Variants in PLEKHA5 observed in about 807,000 individuals in gnomAD.
PLEKHA5 encodes pleckstrin homology domain-containing family A member 5.
PLEKHA5 carries 55 observed loss-of-function variants against 181.9 expected under a neutral mutation model. The ratio of observed to expected loss-of-function variants is 0.30; its 90% CI spans 0.24 to 0.38. The LOEUF (loss-of-function observed/expected upper bound fraction) is 0.38. Among genes scored for constraint, PLEKHA5 ranks in the 10% least tolerant of loss-of-function variants. The pLI is 1.00. For missense variants in PLEKHA5, 1,432 were observed against 1,549.5 expected (o/e 0.92, Z 1.27); for synonymous variants, 535 against 529.4 (o/e 1.01, Z -0.15).
chr12:19,137,294 C>A (rs2035945183), intron 3 of PLEKHA5, among the ~76,000 whole-genome samples: 1 of 152,120 alleles, frequency 6.6e-6, no homozygotes, highest in Admixed American at 6.5e-5. Context: ...ACCTCGGCGT[C>A]CCAAAGTGCT....
At chr12:19,188,746 A>G (rs1362985745) in intron 3 of PLEKHA5, among the ~76,000 whole-genome samples, 1 of 152,220 alleles carries the variant, frequency 6.6e-6, no homozygotes, top group Non-Finnish European at 1.5e-5. Context: ...TATTATGTTG[A>G]TTTAGATTCT....
At chr12:19,314,743 C>T (rs913794557) in intron 15 of PLEKHA5, 71 bp from the exon 16 acceptor site, 2 of 786,498 alleles carry the variant, frequency 2.5e-6, no homozygotes, top group Non-Finnish European at 2.2e-6. Flanking sequence ...GCTATATTTA[C>T]AGTGTCGTCT....
chr12:19,177,155 C>A (rs2047497343), intron 3 of PLEKHA5, among the ~76,000 whole-genome samples: 2 of 152,144 alleles, frequency 1.3e-5, no homozygotes, highest in Non-Finnish European at 2.9e-5. Flanking sequence ...TGTGAGCCAC[C>A]ACGCAGGGCC....
chr12:19,331,202 G>A (rs961650277), intron 20 of PLEKHA5, among the ~76,000 whole-genome samples: 1 of 152,154 alleles, frequency 6.6e-6, no homozygotes, highest in African/African-American at 2.4e-5. Context: ...AAGAGGCAAT[G>A]TGACAGCAAA....
intron 7 of PLEKHA5, among the ~76,000 whole-genome samples, chr12:19,262,127 T>A (rs2068698047): frequency 6.6e-6 from 1 of 152,212 alleles, no homozygotes; most frequent in Admixed American, 6.5e-5. Flanking sequence ...CTTAAGCTTA[T>A]AATTTCTCTT....
intron 26 of PLEKHA5, among the ~76,000 whole-genome samples, chr12:19,355,751 G>A (rs2094892318): frequency 6.6e-6 from 1 of 152,078 alleles, no homozygotes; most frequent in African/African-American, 2.4e-5. Flanking sequence ...TCATGATTCT[G>A]TAATACTATT....
intron 3 of PLEKHA5, among the ~76,000 whole-genome samples, chr12:19,144,261 C>T (rs781677219): frequency 3.9e-5 from 6 of 152,086 alleles, no homozygotes; most frequent in Admixed American, 1.3e-4. Flanking sequence ...TGGCTTAAAA[C>T]GATGATTTCT....
chr12:19,327,247 G>GTTTTTTTTTTTT (rs55983306), intron 20 of PLEKHA5, among the ~76,000 whole-genome samples: 2 of 138,532 alleles, frequency 1.4e-5, no homozygotes, highest in African/African-American at 2.7e-5. Flanking sequence ...ATCTGTTTTT[G>GTTTTTTTTTTTT]TTTTTTTTTT....
At chr12:19,295,136 C>G (rs1173915115) in intron 15 of PLEKHA5, among the ~76,000 whole-genome samples, 1 of 152,030 alleles carries the variant, frequency 6.6e-6, no homozygotes, top group African/African-American at 2.4e-5. Context: ...TACAGTAATC[C>G]CAACTATATA....
intron 3 of PLEKHA5, chr12:19,200,321 C>T (rs563655963): frequency 6.5e-7 from 1 of 1,527,210 alleles, no homozygotes; most frequent in Non-Finnish European, 8.8e-7. Flanking sequence ...CTTTATCCTT[C>T]CAGCTGAATA....
At chr12:19,237,087 G>A (rs1226969152) in intron 3 of PLEKHA5, 2 of 152,198 alleles carry the variant, frequency 1.3e-5, no homozygotes, top group African/African-American at 4.8e-5. Flanking sequence ...TAATAGCTAA[G>A]TGAACAGTAG....
intron 3 of PLEKHA5, among the ~76,000 whole-genome samples, chr12:19,173,035 G>T (rs1182269981): frequency 6.6e-4 from 3 of 4,518 alleles, no homozygotes; most frequent in Non-Finnish European, 1.4e-3. Context: ...TTTTTTTTTT[G>T]AGACGGAGTC....
chr12:19,334,829 A>AAAAAAAAAAAAAAAAAATATAT, intron 20 of PLEKHA5, among the ~76,000 whole-genome samples: 1 of 18,602 alleles, frequency 5.4e-5, no homozygotes, highest in Non-Finnish European at 1.4e-4. Context: ...AAAAAAAAAA[A>AAAAAAAAAAAAAAAAAATATAT]ATATATATAT....
chr12:19,343,284 T>A (rs887488708), intron 21 of PLEKHA5, 39 bp from the exon 22 acceptor site: 2 of 1,221,324 alleles, frequency 1.6e-6, no homozygotes, highest in African/African-American at 3.0e-5. Flanking sequence ...AGTGAATGAT[T>A]TTTTTTCTTA....
chr12:19,281,367 A>G (rs2076096192), intron 11 of PLEKHA5, among the ~76,000 whole-genome samples: 1 of 152,116 alleles, frequency 6.6e-6, no homozygotes, highest in Admixed American at 6.6e-5. Context: ...GCCTGAGCTC[A>G]GGAGTTTGAG....
In PLEKHA5 at chr12:19,366,082, G is replaced by C; in HGVS notation, c.3727G>C (p.Val1243Leu). 6.2e-7 allele frequency: 1 copy of C among 1,611,958 alleles called. No individual in the cohort carries two copies. Among genetic ancestry groups the C allele is most frequent in the South Asian group, 1.1e-5 (1 of 90,542 alleles). The part of the protein sequence containing the change: ...TVISYESTPE[V>L]SRGNQTMAVK... ...TATTTCTTACGAATCAACTCCTGAG[G>C]TTTCTAGAGGAAATCAAACAATGGC... is the stretch of plus-strand genomic sequence containing the variant. Residue 1243 changes from valine to leucine, a missense_variant, in exon 30 of 32, where the codon GTT becomes CTT. By Grantham distance (32) the Val-to-Leu change is conservative. Around this residue, in one of 2 missense-constraint regions of PLEKHA5, gnomAD observed 1,143 missense variants for 1,168.4 expected, o/e 0.98. Transcript: ENST00000429027.
chr12:19,174,998 C>T (rs749855279), intron 3 of PLEKHA5, among the ~76,000 whole-genome samples: 8 of 152,022 alleles, frequency 5.3e-5, no homozygotes, highest in Admixed American at 1.3e-4. Context: ...AAATAATGAT[C>T]AAGCTAATAA....
intron 3 of PLEKHA5, among the ~76,000 whole-genome samples, chr12:19,252,690 C>T (rs1204899716): frequency 1.3e-5 from 2 of 152,040 alleles, no homozygotes; most frequent in Non-Finnish European, 2.9e-5. Flanking sequence ...TTCCACATTT[C>T]ATTTAAGATT....
chr12:19,331,143 T>G (rs937764557), intron 20 of PLEKHA5, among the ~76,000 whole-genome samples: 1 of 152,172 alleles, frequency 6.6e-6, no homozygotes, highest in African/African-American at 2.4e-5. Flanking sequence ...TGCTTTTTTT[T>G]AAACTATAGC....
Sources: gnomAD v4.1 joint callset for allele counts (sites outside exome capture counted in the v4.1 genomes callset) on GRCh38, gnomAD v4.1.1 for gene constraint, gnomAD v4.1.1 regional missense constraint, MANE v1.5 for transcripts, NCBI Gene and HGNC (gene_info 2026-07-23, HGNC 2026-07-21) for gene names.